The following DCDC1 variants were observed in gnomAD, a reference collection of about 807,000 sequenced individuals.
The protein encoded by DCDC1 is doublecortin domain-containing protein 1.
In DCDC1, 200 loss-of-function variants were observed where a neutral mutation model predicts 178.3. That is an observed-to-expected ratio of 1.12 (90% CI 1.00 to 1.26). The LOEUF (loss-of-function observed/expected upper bound fraction) is 1.26, where lower values mean the gene tolerates loss of function less well. DCDC1 is among the 50% of genes most tolerant of loss of function. The probability of loss-of-function intolerance (pLI) is 0.00; values close to 1 mark genes in which losing one functional copy is unlikely to be tolerated. For missense variants in DCDC1, 1,983 were observed against 1,749.2 expected (o/e 1.13, Z -2.38); for synonymous variants, 690 against 604.8 (o/e 1.14, Z -2.07).
chr11:31,193,323 G>A (rs187102601), intron 9 of DCDC1, among the ~76,000 whole-genome samples: 1 of 151,962 alleles, frequency 6.6e-6, no homozygotes, highest in Admixed American at 6.6e-5. Flanking sequence ...CTAAACTACA[G>A]GTTAAGTATC....
chr11:30,891,470 G>T (rs1943767714), intron 36 of DCDC1, among the ~76,000 whole-genome samples: 1 of 152,026 alleles, frequency 6.6e-6, no homozygotes, highest in Admixed American at 6.6e-5. Context: ...TTCCCCCATT[G>T]TCTCAGCTCT....
chr11:30,900,887 A>G (rs1056501817), intron 32 of DCDC1, among the ~76,000 whole-genome samples: 5 of 152,158 alleles, frequency 3.3e-5, no homozygotes, highest in African/African-American at 9.6e-5. Flanking sequence ...ATGAATAATA[A>G]TATCTCATTC....
chr11:30,874,072 A>T (rs1052410466), intron 38 of DCDC1, among the ~76,000 whole-genome samples: 2 of 152,190 alleles, frequency 1.3e-5, no homozygotes, highest in Admixed American at 1.3e-4. Context: ...AAATACTCAC[A>T]TACAAAGCAA....
chr11:31,283,941 CTCTCT>C (rs1197217567), intron 7 of DCDC1, among the ~76,000 whole-genome samples: 1 of 150,472 alleles, frequency 6.6e-6, no homozygotes, highest in Non-Finnish European at 1.5e-5. Flanking sequence ...TTCTCAGATT[CTCTCT>C]TCTCTCTCTC....
intron 8 of DCDC1, among the ~76,000 whole-genome samples, chr11:31,254,705 C>T (rs1457660855): frequency 1.3e-5 from 2 of 152,150 alleles, no homozygotes; most frequent in Non-Finnish European, 2.9e-5. Context: ...AATCAGCTGG[C>T]TGTCAGCTGA....
chr11:31,008,918 T>C (rs1391089292), intron 20 of DCDC1, among the ~76,000 whole-genome samples: 1 of 152,024 alleles, frequency 6.6e-6, no homozygotes, highest in Non-Finnish European at 1.5e-5. Context: ...ACAGGAAAAA[T>C]AATCACAATG....
intron 20 of DCDC1, among the ~76,000 whole-genome samples, chr11:31,045,689 T>C (rs560702619): frequency 9.8e-5 from 15 of 152,314 alleles, no homozygotes; most frequent in Non-Finnish European, 2.1e-4. Flanking sequence ...AACAAACTTT[T>C]CTTCTCAGGA....
intron 22 of DCDC1, 39 bp from the exon 23 acceptor site, chr11:30,925,447 A>C (rs1254550608): frequency 6.4e-7 from 1 of 1,566,338 alleles, no homozygotes; most frequent in African/African-American, 1.4e-5. Context: ...TGCATACAGA[A>C]AGCTTCCAGC....
chr11:31,101,559 C>T (rs529883348), intron 15 of DCDC1, among the ~76,000 whole-genome samples: 19 of 152,218 alleles, frequency 1.2e-4, no homozygotes, highest in Non-Finnish European at 2.8e-4. Context: ...CCTTAAATAA[C>T]TCCAACTTAT....
At chr11:31,183,853 C>T (rs1969147199) in intron 9 of DCDC1, among the ~76,000 whole-genome samples, 2 of 152,110 alleles carry the variant, frequency 1.3e-5, no homozygotes, top group African/African-American at 4.8e-5. Context: ...TGAAAATGGC[C>T]ATACTGCCCA....
chr11:30,914,009 T>A (rs1013496007), intron 27 of DCDC1, among the ~76,000 whole-genome samples: 2 of 152,228 alleles, frequency 1.3e-5, no homozygotes, highest in African/African-American at 4.8e-5. Flanking sequence ...AACACTAGGA[T>A]GTCAGCTCCA....
intron 20 of DCDC1, among the ~76,000 whole-genome samples, chr11:31,022,119 G>A (rs932407854): frequency 3.9e-5 from 6 of 152,112 alleles, no homozygotes; most frequent in African/African-American, 1.4e-4. Context: ...CTTCCTAGAA[G>A]TTTAAAACAA....
At chr11:31,028,406 T>C (rs1953393015) in intron 20 of DCDC1, among the ~76,000 whole-genome samples, 1 of 151,934 alleles carries the variant, frequency 6.6e-6, no homozygotes, top group African/African-American at 2.4e-5. Context: ...TCATTTACAG[T>C]TCTTCTCACT....
intron 20 of DCDC1, among the ~76,000 whole-genome samples, chr11:31,002,398 C>A (rs1191156911): frequency 6.6e-6 from 1 of 152,042 alleles, no homozygotes; most frequent in East Asian, 1.9e-4. Flanking sequence ...GACAATAAAT[C>A]AAAAATTAAA....
In DCDC1 at chr11:31,265,600, C is replaced by A. The variant is rs754848245; in HGVS notation, c.961G>T (p.Val321Phe). The change falls in exon 8 of 39, where the codon GTT becomes TTT. Residue 321 changes from valine to phenylalanine, a missense_variant and splice_region_variant. Val to Phe is a conservative substitution (Grantham distance 50, BLOSUM62 -1). Coordinates refer to ENST00000684477, the MANE Select transcript of DCDC1 (RefSeq NM_001387274.1). ...ATTCTTATTGTACAAGTATCTAAAACCTGTGCAGGAAAAAAAAATTATAAA... is the reference window on the plus strand; with the variant it reads ...ATTCTTATTGTACAAGTATCTAAAAACTGTGCAGGAAAAAAAAATTATAAA... Reference protein sequence around the residue: ...ITVGKETMKKVLDTCTIRMNL... With the variant: ...ITVGKETMKKFLDTCTIRMNL... The A allele has an allele frequency of 2.9e-6, 4 of 1,360,582 alleles. No homozygotes were observed. Among genetic ancestry groups the A allele is most frequent in the Non-Finnish European group, 9.6e-7 (1 of 1,043,624 alleles). 84.3% of individuals were successfully genotyped at this position (1,360,582 alleles called of 1,614,324 possible).
chr11:31,363,730 C>T (rs889424419), intron 1 of DCDC1, among the ~76,000 whole-genome samples: 2 of 152,086 alleles, frequency 1.3e-5, no homozygotes, highest in African/African-American at 4.8e-5. Context: ...ATTAACACCC[C>T]TTGATCATTC....
At chr11:30,959,178 T>TTTGAGTCA (rs1948942734) in intron 20 of DCDC1, among the ~76,000 whole-genome samples, 1 of 152,084 alleles carries the variant, frequency 6.6e-6, no homozygotes, top group Admixed American at 6.6e-5. Context: ...GCAAACCCTT[T>TTTGAGTCA]TTGAGTCATT....
At chr11:30,883,981 A>G (rs1033457153) in intron 36 of DCDC1, among the ~76,000 whole-genome samples, 23 of 151,336 alleles carry the variant, frequency 1.5e-4, no homozygotes, top group African/African-American at 4.8e-4. Context: ...AAAATGTGAA[A>G]CGACCAAAAA....
Position 30,925,117 on chromosome 11 carries a change from T to C in DCDC1, c.2997+192A>G, listed in dbSNP as rs376253359. Among the ~76,000 whole-genome samples the C allele has an allele frequency of 2.0e-5, 3 of 151,830 alleles. No individual in the cohort carries two copies. The East Asian group carries it at 5.8e-4, about 29-fold the overall frequency. ...AATTTATATACCACTCTGAAAACCA[T>C]GCCAGACATATAGGAAGCTCTGAAT... On this transcript the variant is annotated intron_variant, in intron 23 of 38. Coordinates refer to ENST00000684477, the MANE Select transcript of DCDC1 (RefSeq NM_001387274.1).
Sources: allele counts gnomAD v4.1 joint callset (sites outside exome capture counted in the v4.1 genomes callset), GRCh38; gene constraint gnomAD v4.1.1; transcripts MANE v1.5; gene names NCBI Gene and HGNC (gene_info 2026-07-23, HGNC 2026-07-21).